CPD: variants seen among roughly 807,000 people sequenced by gnomAD.
CPD encodes carboxypeptidase D.
In CPD, 69 loss-of-function variants were observed where a neutral mutation model predicts 138.3. That is an observed-to-expected ratio of 0.50 (90% CI 0.41 to 0.61). CPD has a LOEUF of 0.61. Ranked by LOEUF, CPD falls within the 20% of genes least tolerant of loss-of-function variation. CPD has a pLI of 0.00. For synonymous variants in CPD, 651 were observed against 642.1 expected (o/e 1.01, Z -0.21); for missense variants, 1,432 against 1,733.3 (o/e 0.83, Z 3.09).
chr17:30,423,090 T>A, intron 5 of CPD, 67 bp downstream of exon 5: 2 of 1,227,580 alleles, frequency 1.6e-6, no homozygotes, highest in South Asian at 3.0e-5. Context: ...TATTGCTATG[T>A]TTCATTCAGA....
In CPD at chr17:30,423,600, C is replaced by A. The variant is rs1335152522; in HGVS notation, c.1752C>A (p.Asn584Lys). ...ACCTCATAGAATACCTTTGTAAGAA[C>A]TTTGGAACAGACCCTGAAGTCACAG... ...LLNLIEYLCK[N>K]FGTDPEVTDL... The change falls in exon 6 of 21, where the codon AAC becomes AAA. Residue 584 changes from asparagine (N) to lysine (K), a missense_variant. This residue lies in a region of CPD where 297 missense variants were observed against 405.3 expected (regional missense o/e 0.73). Coordinates refer to ENST00000225719, the MANE Select transcript of CPD (RefSeq NM_001304.5). 6.2e-7 allele frequency: 1 copy of A among 1,612,830 alleles called. No individual in the cohort carries two copies. The highest frequency in any genetic ancestry group is 1.7e-5 in the Admixed American group (1 of 59,794).
chr17:30,428,653 G>A (rs558023105), intron 7 of CPD, among the ~76,000 whole-genome samples: 1 of 151,938 alleles, frequency 6.6e-6, no homozygotes, highest in Non-Finnish European at 1.5e-5. Context: ...GAAATTTTTA[G>A]AATAGGCATA....
intron 11 of CPD, among the ~76,000 whole-genome samples, chr17:30,445,238 G>T (rs183198916): frequency 6.6e-6 from 1 of 152,284 alleles, no homozygotes. Flanking sequence ...GCAGAGGCAG[G>T]TGGATCACTT....
Position 30,378,931 on chromosome 17 carries a change from G to C in CPD, c.-50G>C, listed in dbSNP as rs772162653. ...GGGATCCGGCGGGCCCCCGCCGCCC[G>C]GAGCGCTGAGCCGCGGGAGCGGAGC... On this transcript the variant is annotated 5_prime_UTR_variant, in exon 1 of 21. Transcript: ENST00000225719. 4.3e-6 allele frequency: 6 copies of C among 1,405,198 alleles called. No individual in the cohort carries two copies. The African/African-American group carries it at 6.1e-5, about 14-fold the overall frequency. The allele number at this position is 1,405,198 out of a possible 1,614,324, so 87.0% of individuals were successfully genotyped here.
intron 1 of CPD, chr17:30,380,373 C>T: frequency 1.3e-6 from 1 of 769,902 alleles, no homozygotes; most frequent in Non-Finnish European, 1.7e-6. Context: ...TGATTTTTCT[C>T]CAATTTTTAC....
intron 10 of CPD, among the ~76,000 whole-genome samples, chr17:30,443,075 G>A (rs532469074): frequency 6.6e-6 from 1 of 151,934 alleles, no homozygotes; most frequent in South Asian, 2.1e-4. Flanking sequence ...GTTATGACTA[G>A]CCAATAATTA....
intron 1 of CPD, among the ~76,000 whole-genome samples, chr17:30,381,139 C>T (rs986760208): frequency 8.5e-5 from 13 of 152,120 alleles, no homozygotes; most frequent in African/African-American, 2.9e-4. Context: ...CATAGACTTT[C>T]TGGGAGGATT....
chr17:30,441,919 G>A (rs1912879826), intron 9 of CPD, among the ~76,000 whole-genome samples: 1 of 149,668 alleles, frequency 6.7e-6, no homozygotes, highest in African/African-American at 2.5e-5. Flanking sequence ...AATGATGCTG[G>A]CCTCATAAAA....
At chr17:30,415,195 T>G in intron 2 of CPD, among the ~76,000 whole-genome samples, 1 of 152,194 alleles carries the variant, frequency 6.6e-6, no homozygotes, top group Non-Finnish European at 1.5e-5. Context: ...ACCCGTCCTC[T>G]TTGTCTCCAC....
chr17:30,415,177 A>C (rs1912072416), intron 2 of CPD, among the ~76,000 whole-genome samples: 1 of 152,142 alleles, frequency 6.6e-6, no homozygotes, highest in Admixed American at 6.5e-5. Context: ...TCTTCCTTCT[A>C]CATCCAGACC....
At chr17:30,451,969 G>A in intron 14 of CPD, 123 bp downstream of exon 14, 2 of 861,256 alleles carry the variant, frequency 2.3e-6, no homozygotes, top group Admixed American at 3.3e-5. Flanking sequence ...ATGAATGTGA[G>A]GTATAAATGA....
intron 17 of CPD, among the ~76,000 whole-genome samples, chr17:30,458,471 C>T (rs1913359869): frequency 6.6e-6 from 1 of 151,878 alleles, no homozygotes; most frequent in South Asian, 2.1e-4. Flanking sequence ...GTTTTCTTTT[C>T]TTTTTTTTGG....
intron 2 of CPD, among the ~76,000 whole-genome samples, chr17:30,400,819 G>T (rs9915745): frequency 0.52 from 75,712 of 146,960 alleles, 20,113 homozygotes; most frequent in East Asian, 0.83. Flanking sequence ...CACCACGCCC[G>T]GTTAATTTTT....
chr17:30,438,105 A>C (rs975781854), intron 8 of CPD, among the ~76,000 whole-genome samples: 2 of 149,590 alleles, frequency 1.3e-5, no homozygotes, highest in Non-Finnish European at 3.0e-5. Context: ...TGGCCTCCCA[A>C]AGTGTTGGGA....
rs756971273 is a variant in CPD, at chr17:30,379,461, C to T, written c.481C>T (p.Arg161Cys). 2.2e-5 allele frequency: 35 copies of T among 1,572,798 alleles called. No individual in the cohort carries two copies. Among genetic ancestry groups the T allele is most frequent in the Admixed American group, 7.0e-5 (4 of 56,744 alleles). The change falls in exon 1 of 21, where the codon CGC (arginine) becomes TGC (cysteine). Residue 161 changes from arginine to cysteine, a missense_variant. Coordinates refer to ENST00000225719, the MANE Select transcript of CPD (RefSeq NM_001304.5). This position sits in a 1 kb window ranked among gnomAD's most constrained non-coding sequence, Gnocchi z 7.0. ...YLARELAAGYRRGDPRLVRLL... is the reference protein window; with the variant it reads ...YLARELAAGYCRGDPRLVRLL... ...GGCCCGCGAGCTGGCGGCCGGCTACCGCCGCGGGGACCCGCGCCTGGTCCG... is the reference window on the plus strand; with the variant it reads ...GGCCCGCGAGCTGGCGGCCGGCTACTGCCGCGGGGACCCGCGCCTGGTCCG...
chr17:30,425,579 C>T (rs1912382085), intron 6 of CPD, among the ~76,000 whole-genome samples: 2 of 151,060 alleles, frequency 1.3e-5, no homozygotes, highest in Admixed American at 1.3e-4. Context: ...TTGCTTTAAC[C>T]TGGGAGGTGG....
At chr17:30,398,367 T>C (rs1204342276) in intron 2 of CPD, among the ~76,000 whole-genome samples, 2 of 152,234 alleles carry the variant, frequency 1.3e-5, no homozygotes, top group Non-Finnish European at 2.9e-5. Flanking sequence ...GGTGTGCCTG[T>C]AACTGAATGT....
At chr17:30,449,891 G>A (rs1247204134) in intron 13 of CPD, 143 bp downstream of exon 13, 1 of 655,458 alleles carries the variant, frequency 1.5e-6, no homozygotes, top group East Asian at 3.2e-5. Flanking sequence ...CTTTAAAAAT[G>A]AACCATCTTT....
intron 2 of CPD, among the ~76,000 whole-genome samples, chr17:30,385,515 C>G (rs1241029698): frequency 6.8e-6 from 1 of 147,670 alleles, no homozygotes; most frequent in East Asian, 1.9e-4. Flanking sequence ...CACACACACA[C>G]ACACACACAC....
Sources: gnomAD v4.1 joint callset for allele counts (sites outside exome capture counted in the v4.1 genomes callset) on GRCh38, gnomAD v4.1.1 for gene constraint, gnomAD v4.1.1 regional missense constraint, Gnocchi (gnomAD v3.1) non-coding constraint, MANE v1.5 for transcripts, NCBI Gene and HGNC (gene_info 2026-07-23, HGNC 2026-07-21) for gene names.